CCDC198: variants seen among roughly 807,000 people sequenced by gnomAD.
The protein encoded by CCDC198 is factor associated with metabolism and energy.
A neutral mutation model predicts 35.6 loss-of-function variants in CCDC198; 18 were observed. The ratio of observed to expected loss-of-function variants is 0.51; its 90% CI spans 0.35 to 0.75. CCDC198 has a LOEUF of 0.75. Ranked by LOEUF, CCDC198 falls within the 30% of genes least tolerant of loss-of-function variation. The pLI, the probability that CCDC198 is intolerant of heterozygous loss-of-function variation, is 0.01. For missense variants in CCDC198, 365 were observed against 343.7 expected (o/e 1.06, Z -0.49); for synonymous variants, 119 against 113.4 (o/e 1.05, Z -0.31).
In CCDC198 at chr14:57,493,761, T is replaced by G. The variant is rs199863289; in HGVS notation, c.-46A>C. 3.3e-5 allele frequency: 49 copies of G among 1,489,608 alleles called. 3 individuals carry two copies. In the Admixed American group the frequency reaches 4.4e-4, roughly 13 times the overall value. 92.3% of individuals were successfully genotyped at this position (1,489,608 alleles called of 1,614,324 possible). A position where few individuals can be genotyped will look rare whatever the true frequency, so the allele number is the denominator to read the frequency against. On this transcript the variant is annotated 5_prime_UTR_variant, in exon 1 of 6. Coordinates refer to ENST00000216445, the MANE Select transcript of CCDC198 (RefSeq NM_018168.4). ...AGGAAAGCTGCGAGGGAAGTGGTTTTGGGGTCTTTAATATAGCTTATTTTA... is the reference window on the plus strand; with the variant it reads ...AGGAAAGCTGCGAGGGAAGTGGTTTGGGGGTCTTTAATATAGCTTATTTTA...
chr14:57,489,469 G>A (rs1244578070), intron 2 of CCDC198, among the ~76,000 whole-genome samples: 1 of 152,050 alleles, frequency 6.6e-6, no homozygotes, highest in Non-Finnish European at 1.5e-5. Flanking sequence ...AATCACCGTG[G>A]CACTTATTTA....
At chr14:57,475,051 G>A (rs1036712947) in intron 5 of CCDC198, among the ~76,000 whole-genome samples, 8 of 152,122 alleles carry the variant, frequency 5.3e-5, no homozygotes, top group Admixed American at 1.3e-4. Flanking sequence ...CACGAGGTCA[G>A]GAGATCGAGA....
At chr14:57,481,536 T>C (rs753880084) in intron 4 of CCDC198, 23 bp downstream of exon 4, 5 of 1,545,686 alleles carry the variant, frequency 3.2e-6, no homozygotes, top group Non-Finnish European at 4.5e-6. Flanking sequence ...ATTTGGTAAA[T>C]ATGACACTCT....
chr14:57,487,251 T>C (rs956053498), intron 2 of CCDC198, among the ~76,000 whole-genome samples: 2 of 152,196 alleles, frequency 1.3e-5, no homozygotes, highest in African/African-American at 4.8e-5. Flanking sequence ...ACTTCTGGAT[T>C]ATTTGACTTC....
intron 2 of CCDC198, among the ~76,000 whole-genome samples, chr14:57,487,914 T>C (rs562648280): frequency 2.8e-4 from 43 of 152,264 alleles, no homozygotes; most frequent in Non-Finnish European, 4.7e-4. Context: ...CTGCCAAGTT[T>C]CTAGTGATTT....
Position 57,469,789 on chromosome 14 carries a change from T to C in CCDC198, c.*1566A>G, listed in dbSNP as rs1323051430. ...AAACATGAATTTTTATCACCTGACA[T>C]CTCAGGCTTGTTATCTTCTTAGTTT... On this transcript the variant is annotated 3_prime_UTR_variant, in exon 6 of 6. Transcript: ENST00000216445. 1 of 152,228 alleles carries C rather than the reference T, an allele frequency of 6.6e-6. No homozygotes were observed. Among genetic ancestry groups the C allele is most frequent in the Non-Finnish European group, 1.5e-5 (1 of 68,044 alleles). 9.4% of individuals were successfully genotyped at this position (152,228 alleles called of 1,614,324 possible). A position where few individuals can be genotyped will look rare whatever the true frequency, so the allele number is the denominator to read the frequency against.
chr14:57,475,329 T>G, intron 5 of CCDC198: 1 of 948,886 alleles, frequency 1.1e-6, no homozygotes, highest in Non-Finnish European at 1.3e-6. Context: ...TAAAACAAGA[T>G]TCTTTATAGA....
intron 4 of CCDC198, among the ~76,000 whole-genome samples, 157 bp downstream of exon 4, chr14:57,481,402 C>G (rs1290707314): frequency 6.6e-6 from 1 of 152,186 alleles, no homozygotes; most frequent in Non-Finnish European, 1.5e-5. Flanking sequence ...AGGAATCTTC[C>G]TGATTCTTCT....
In CCDC198 at chr14:57,493,701, G is replaced by A; in HGVS notation, c.15C>T (p.His5=). The A allele has an allele frequency of 1.2e-6, 2 of 1,612,884 alleles. No individual in the cohort carries two copies. The highest frequency in any genetic ancestry group is 1.7e-6 in the Non-Finnish European group (2 of 1,179,310). Reference sequence around the variant, plus strand: ...TGATCACCCTAAGGTGAGTCTTAGAGTGACTCAGGCCCATTTCATGTGAAA... The same window carrying A: ...TGATCACCCTAAGGTGAGTCTTAGAATGACTCAGGCCCATTTCATGTGAAA... MGLS[H]SKTHLRVIKV... Residue 5 remains histidine (H), a synonymous_variant, in exon 1 of 6, where the codon CAC becomes CAT. Transcript: ENST00000216445.
intron 2 of CCDC198, 188 bp from the exon 3 acceptor site, chr14:57,483,339 CTTTATTA>C: frequency 1.3e-6 from 1 of 773,328 alleles, no homozygotes; most frequent in Non-Finnish European, 2.0e-6. Context: ...TATCTGGGTT[CTTTATTA>C]TTCTAGTGCA....
At chr14:57,471,614 A>G (rs753875292) in intron 5 of CCDC198, 24 bp from the exon 6 acceptor site, 2 of 1,348,740 alleles carry the variant, frequency 1.5e-6, no homozygotes, top group African/African-American at 1.4e-5. Flanking sequence ...AAGTTTCTTT[A>G]ATTTTTTCCC....
intron 2 of CCDC198, among the ~76,000 whole-genome samples, chr14:57,487,846 G>C (rs2067416371): frequency 6.6e-6 from 1 of 152,146 alleles, no homozygotes; most frequent in Non-Finnish European, 1.5e-5. Flanking sequence ...CATTTGTGCT[G>C]GAAAATGTGC....
intron 4 of CCDC198, 121 bp downstream of exon 4, chr14:57,481,438 C>T: frequency 1.5e-6 from 1 of 664,200 alleles, no homozygotes; most frequent in Non-Finnish European, 2.6e-6. Context: ...AACCTTCAAC[C>T]TCAATGACGA....
At chr14:57,480,193 G>T in intron 5 of CCDC198, 1 of 786,964 alleles carries the variant, frequency 1.3e-6, no homozygotes, top group Non-Finnish European at 1.5e-6. Context: ...GTGCAGTCAG[G>T]AAGATAAGTG....
chr14:57,488,452 C>T (rs547078898), intron 2 of CCDC198, among the ~76,000 whole-genome samples: 1 of 152,234 alleles, frequency 6.6e-6, no homozygotes, highest in Admixed American at 6.5e-5. Flanking sequence ...ACTTTGAGTG[C>T]TTTATCCCCC....
chr14:57,487,070 T>A (rs1377800334), intron 2 of CCDC198, among the ~76,000 whole-genome samples: 1 of 152,184 alleles, frequency 6.6e-6, no homozygotes, highest in Non-Finnish European at 1.5e-5. Flanking sequence ...ACCAGTCAGA[T>A]GAAATTGCCT....
intron 5 of CCDC198, chr14:57,479,143 A>T (rs955006075): frequency 1.3e-6 from 1 of 779,680 alleles, no homozygotes; most frequent in Non-Finnish European, 1.9e-6. Context: ...GAGCATAAAC[A>T]ATTTGGCCTG....
At chr14:57,471,679 G>C (rs534775940) in intron 5 of CCDC198, 89 bp from the exon 6 acceptor site, 1 of 625,546 alleles carries the variant, frequency 1.6e-6, no homozygotes, top group East Asian at 3.1e-5. Flanking sequence ...AATCTGCTTG[G>C]TGGTTTTTCA....
intron 5 of CCDC198, chr14:57,475,775 CGG>C: frequency 3.4e-6 from 1 of 292,096 alleles, no homozygotes; most frequent in Non-Finnish European, 6.4e-6. Context: ...TACATTTGTA[CGG>C]CACTTAGCTT....
Sources: gnomAD v4.1 joint callset for allele counts (sites outside exome capture counted in the v4.1 genomes callset) on GRCh38, gnomAD v4.1.1 for gene constraint, MANE v1.5 for transcripts, NCBI Gene and HGNC (gene_info 2026-07-23, HGNC 2026-07-21) for gene names.